Variants in NT5M observed in about 807,000 individuals in gnomAD.
The protein encoded by NT5M is 5',3'-nucleotidase, mitochondrial, also known as 5'(3')-deoxyribonucleotidase, mitochondrial.
NT5M carries 22 observed loss-of-function variants against 22.2 expected under a neutral mutation model. That is an observed-to-expected ratio of 0.99 (90% confidence interval 0.71 to 1.41). NT5M has a LOEUF of 1.41. Ranked by LOEUF, NT5M falls within the 40% of genes most tolerant of loss-of-function variation. NT5M has a pLI of 0.00. For missense variants in NT5M, 322 were observed against 314.8 expected (o/e 1.02, Z -0.17); for synonymous variants, 167 against 133.0 (o/e 1.26, Z -1.76).
chr17:17,334,079 C>T (rs1415184137), intron 3 of NT5M, among the ~76,000 whole-genome samples: 3 of 151,438 alleles, frequency 2.0e-5, no homozygotes, highest in Non-Finnish European at 2.9e-5. Context: ...ATGATCCGCC[C>T]GCCTCGGCCT....
rs182184378 is a variant in NT5M at position 17,345,680 on chromosome 17, G to A, written c.544+772G>A. Among the ~76,000 whole-genome samples the A allele has an allele frequency of 7.9e-5, 12 of 151,402 alleles. No individual in the cohort carries two copies. In the East Asian group the frequency reaches 1.9e-3, roughly 24 times the overall value. Reference sequence around the variant, plus strand: ...AAAAAAATTAGCTGATCATCATGGCGCATGCCTGTGGTCCCTGCTACTCTG... The same window carrying A: ...AAAAAAATTAGCTGATCATCATGGCACATGCCTGTGGTCCCTGCTACTCTG... On this transcript the variant is annotated intron_variant, in intron 4 of 4. Coordinates refer to ENST00000389022, the MANE Select transcript of NT5M (RefSeq NM_020201.4).
intron 3 of NT5M, among the ~76,000 whole-genome samples, chr17:17,323,534 T>C (rs1030032093): frequency 4.1e-4 from 63 of 152,340 alleles, no homozygotes; most frequent in African/African-American, 1.5e-3. Context: ...GGCACGTGGA[T>C]GCATTAACAT....
intron 3 of NT5M, among the ~76,000 whole-genome samples, chr17:17,331,084 G>A (rs980529728): frequency 1.3e-5 from 2 of 151,510 alleles, no homozygotes; most frequent in African/African-American, 4.9e-5. Context: ...GCTCCAGTAC[G>A]TTTTCCAGTT....
chr17:17,305,072 C>T (rs1050203009), intron 1 of NT5M, among the ~76,000 whole-genome samples: 4 of 152,012 alleles, frequency 2.6e-5, no homozygotes, highest in South Asian at 2.1e-4. Flanking sequence ...CAGTGTGTGG[C>T]GAGTGTTCAT....
intron 1 of NT5M, among the ~76,000 whole-genome samples, chr17:17,304,703 G>C: frequency 6.6e-6 from 1 of 152,038 alleles, no homozygotes; most frequent in East Asian, 1.9e-4. Context: ...TCCAGATGAG[G>C]AAACTTGCCC....
At chr17:17,325,120 A>C (rs143957517) in intron 3 of NT5M, among the ~76,000 whole-genome samples, 2 of 152,244 alleles carry the variant, frequency 1.3e-5, no homozygotes, top group Admixed American at 1.3e-4. Flanking sequence ...GGTGATTCTC[A>C]TACACCCTCA....
intron 1 of NT5M, among the ~76,000 whole-genome samples, chr17:17,306,265 C>T (rs2048797957): frequency 6.6e-6 from 1 of 152,184 alleles, no homozygotes; most frequent in Non-Finnish European, 1.5e-5. Flanking sequence ...TGATGATTGG[C>T]CTCAGGTCCC....
intron 1 of NT5M, among the ~76,000 whole-genome samples, chr17:17,306,332 T>G (rs2048800044): frequency 6.6e-6 from 1 of 152,190 alleles, no homozygotes; most frequent in Non-Finnish European, 1.5e-5. Context: ...TGGTCTCTGC[T>G]GGATCCCGAC....
intron 2 of NT5M, among the ~76,000 whole-genome samples, chr17:17,322,694 C>CA (rs2049175278): frequency 2.0e-5 from 3 of 152,112 alleles, no homozygotes; most frequent in Admixed American, 2.0e-4. Flanking sequence ...GGCATGAGGG[C>CA]GCAGGCACCT....
chr17:17,345,182 AT>A (rs1239212503), intron 4 of NT5M: 1 of 1,168,762 alleles, frequency 8.6e-7, no homozygotes, highest in Non-Finnish European at 1.1e-6. Context: ...TGTCTTCCTC[AT>A]GTAACATGGG....
In NT5M at chr17:17,347,166, C is replaced by T. The variant is rs1597809744; in HGVS notation, c.*219C>T. The T allele has an allele frequency of 5.0e-6, 3 of 598,910 alleles. No individual in the cohort carries two copies. Among genetic ancestry groups the T allele is most frequent in the East Asian group, 6.1e-5 (2 of 32,718 alleles). The allele number at this position is 598,910 out of a possible 1,614,324, so 37.1% of individuals were successfully genotyped here. On this transcript the variant is annotated 3_prime_UTR_variant, in exon 5 of 5. Transcript: ENST00000389022. ...GCGCTTGGACATAGACACGTGGTCC[C>T]AGGCCGTTCAGCCTGACCTCAGGCA...
At chr17:17,320,428 G>C (rs1177087249) in intron 2 of NT5M, among the ~76,000 whole-genome samples, 1 of 152,088 alleles carries the variant, frequency 6.6e-6, no homozygotes, top group African/African-American at 2.4e-5. Flanking sequence ...AAGACCTGGG[G>C]ATGGATCTGA....
chr17:17,323,343 A>T, intron 3 of NT5M, 98 bp downstream of exon 3: 1 of 983,654 alleles, frequency 1.0e-6, no homozygotes, highest in Non-Finnish European at 1.6e-6. Flanking sequence ...GGACCCTCAC[A>T]GCACTCCCCC....
intron 2 of NT5M, among the ~76,000 whole-genome samples, chr17:17,321,256 A>T (rs1044356579): frequency 6.6e-6 from 1 of 152,024 alleles, no homozygotes; most frequent in African/African-American, 2.4e-5. Flanking sequence ...AATGAGGTTC[A>T]TGGAGGAGGA....
intron 3 of NT5M, among the ~76,000 whole-genome samples, chr17:17,338,084 T>C (rs1327254050): frequency 6.6e-6 from 1 of 152,254 alleles, no homozygotes; most frequent in African/African-American, 2.4e-5. Flanking sequence ...ATATCCAGTT[T>C]TCCAGTGCCA....
At chr17:17,324,236 A>C (rs886087579) in intron 3 of NT5M, among the ~76,000 whole-genome samples, 6 of 151,208 alleles carry the variant, frequency 4.0e-5, no homozygotes, top group Non-Finnish European at 8.9e-5. Context: ...GTAATCCCAG[A>C]ACTCTGGGAG....
intron 4 of NT5M, among the ~76,000 whole-genome samples, chr17:17,346,100 C>T (rs1324987999): frequency 6.6e-6 from 1 of 152,204 alleles, no homozygotes; most frequent in African/African-American, 2.4e-5. Flanking sequence ...CCACCTCCAT[C>T]ACTGCGTCCA....
At position 17,346,987 on chromosome 17, in the gene NT5M, T is replaced by C; in HGVS notation, c.*40T>C. On this transcript the variant is annotated 3_prime_UTR_variant, in exon 5 of 5. Coordinates refer to ENST00000389022, the MANE Select transcript of NT5M (RefSeq NM_020201.4). ...CGGGCTCCTCTGTGGGGCTCTGACC[T>C]CAGGGCTCCCAGCTCGGGGCCTGTG... The C allele has an allele frequency of 6.2e-7, 1 of 1,602,118 alleles. No individual in the cohort carries two copies.
At chr17:17,318,983 C>T (rs1041454307) in intron 2 of NT5M, among the ~76,000 whole-genome samples, 32 of 151,306 alleles carry the variant, frequency 2.1e-4, no homozygotes, top group African/African-American at 7.5e-4. Context: ...GGCCGAGGCA[C>T]GTGGATCACC....
Sources: allele counts gnomAD v4.1 joint callset (sites outside exome capture counted in the v4.1 genomes callset), GRCh38; gene constraint gnomAD v4.1.1; transcripts MANE v1.5; gene names NCBI Gene and HGNC (gene_info 2026-07-23, HGNC 2026-07-21).